PTPRD: variants seen among roughly 807,000 people sequenced by gnomAD.
PTPRD encodes the protein receptor-type tyrosine-protein phosphatase delta.
In PTPRD, 34 loss-of-function variants were observed where a neutral mutation model predicts 214.5. The ratio of observed to expected loss-of-function variants is 0.16; its 90% CI spans 0.12 to 0.21. The LOEUF (loss-of-function observed/expected upper bound fraction) is 0.21. Ranked by LOEUF, PTPRD falls within the 10% of genes least tolerant of loss-of-function variation. PTPRD has a pLI of 1.00. For synonymous variants in PTPRD, 1,128 were observed against 845.7 expected (o/e 1.33, Z -5.79); for missense variants, 2,545 against 2,398.7 (o/e 1.06, Z -1.27).
At chr9:8,810,604 A>G (rs1235072823) in intron 11 of PTPRD, among the ~76,000 whole-genome samples, 3 of 151,988 alleles carry the variant, frequency 2.0e-5, no homozygotes, top group Admixed American at 6.5e-5. Context: ...AAAGGAACAC[A>G]CTCTAACAGT....
At chr9:9,126,482 A>G (rs1408654835) in intron 10 of PTPRD, among the ~76,000 whole-genome samples, 1 of 152,258 alleles carries the variant, frequency 6.6e-6, no homozygotes, top group Non-Finnish European at 1.5e-5. Context: ...GTTAACTGAT[A>G]TAAACAAGAT....
intron 2 of PTPRD, among the ~76,000 whole-genome samples, chr9:10,549,164 T>C (rs1018198356): frequency 3.3e-5 from 5 of 152,192 alleles, no homozygotes; most frequent in Non-Finnish European, 5.9e-5. Context: ...CTGTGTAGCA[T>C]ATAAAAACTG....
intron 11 of PTPRD, among the ~76,000 whole-genome samples, chr9:8,987,820 T>C (rs1184884609): frequency 6.6e-6 from 1 of 152,048 alleles, no homozygotes; most frequent in Non-Finnish European, 1.5e-5. Flanking sequence ...ATATATTTAG[T>C]TGGAAATGTC....
intron 11 of PTPRD, among the ~76,000 whole-genome samples, chr9:8,996,273 C>T (rs1440391177): frequency 6.6e-6 from 1 of 152,004 alleles, no homozygotes; most frequent in East Asian, 1.9e-4. Context: ...ACCTGGAATG[C>T]TTTTCAGTTA....
chr9:8,702,390 G>A (rs961275273), intron 12 of PTPRD, among the ~76,000 whole-genome samples: 7 of 152,170 alleles, frequency 4.6e-5, no homozygotes, highest in African/African-American at 1.7e-4. Flanking sequence ...GATCAGCATA[G>A]TTGAGGTTCA....
At chr9:10,578,195 C>G (rs545792483) in intron 2 of PTPRD, among the ~76,000 whole-genome samples, 1 of 152,088 alleles carries the variant, frequency 6.6e-6, no homozygotes, top group Non-Finnish European at 1.5e-5. Context: ...CAGGCATGAG[C>G]CACCACACCC....
At chr9:9,105,352 T>C (rs2099797031) in intron 10 of PTPRD, among the ~76,000 whole-genome samples, 1 of 152,192 alleles carries the variant, frequency 6.6e-6, no homozygotes, top group Non-Finnish European at 1.5e-5. Flanking sequence ...TTCTCTCTTT[T>C]CTATGCAGAT....
chr9:9,198,720 G>C (rs2099940126), intron 9 of PTPRD, among the ~76,000 whole-genome samples: 1 of 152,170 alleles, frequency 6.6e-6, no homozygotes, highest in African/African-American at 2.4e-5. Flanking sequence ...GAAGTGGATA[G>C]ATGCCTTATG....
intron 2 of PTPRD, among the ~76,000 whole-genome samples, chr9:10,398,854 C>CT (rs2098221985): frequency 6.6e-6 from 1 of 151,890 alleles, no homozygotes; most frequent in Non-Finnish European, 1.5e-5. Context: ...AGTGAGAAAA[C>CT]TGAGGCATAA....
intron 11 of PTPRD, among the ~76,000 whole-genome samples, chr9:8,811,683 C>G (rs553689656): frequency 1.3e-3 from 194 of 152,092 alleles, no homozygotes; most frequent in Non-Finnish European, 2.1e-3. Flanking sequence ...TATATATTCT[C>G]AACATATGTG....
chr9:9,192,352 C>T (rs1017783526), intron 9 of PTPRD, among the ~76,000 whole-genome samples: 2 of 152,148 alleles, frequency 1.3e-5, no homozygotes, highest in East Asian at 1.9e-4. Flanking sequence ...TACAGTGAAG[C>T]ATGAGCCCCA....
chr9:9,048,155 A>G (rs1364719322), intron 10 of PTPRD, among the ~76,000 whole-genome samples: 1 of 152,142 alleles, frequency 6.6e-6, no homozygotes, highest in Non-Finnish European at 1.5e-5. Flanking sequence ...GCAATAACAA[A>G]TACTGGTGAG....
At chr9:8,323,893 T>C (rs1049505050) in intron 44 of PTPRD, among the ~76,000 whole-genome samples, 1 of 152,142 alleles carries the variant, frequency 6.6e-6, no homozygotes, top group African/African-American at 2.4e-5. Flanking sequence ...TCAAACAACA[T>C]TGCATGGTGC....
intron 9 of PTPRD, among the ~76,000 whole-genome samples, chr9:9,196,046 G>T (rs757301500): frequency 6.6e-6 from 1 of 152,118 alleles, no homozygotes; most frequent in African/African-American, 2.4e-5. Context: ...AAGATGGGGA[G>T]GCCAAGATTC....
At chr9:9,488,733 G>A (rs964347893) in intron 8 of PTPRD, among the ~76,000 whole-genome samples, 1 of 152,116 alleles carries the variant, frequency 6.6e-6, no homozygotes, top group Non-Finnish European at 1.5e-5. Flanking sequence ...GCAACTTCCA[G>A]GTAAAGGCTC....
At chr9:8,923,177 G>A (rs1182531940) in intron 11 of PTPRD, among the ~76,000 whole-genome samples, 1 of 151,612 alleles carries the variant, frequency 6.6e-6, no homozygotes, top group African/African-American at 2.4e-5. Context: ...AAGTAGCTGG[G>A]ATTACAGGCG....
chr9:10,143,631 A>G (rs1341663630), intron 3 of PTPRD, among the ~76,000 whole-genome samples: 1 of 152,152 alleles, frequency 6.6e-6, no homozygotes, highest in African/African-American at 2.4e-5. Flanking sequence ...CACCATTCAC[A>G]ATAGCAAAGA....
chr9:9,939,878 G>A lies in PTPRD; in HGVS notation c.-471-1268C>T, dbSNP rs187054660. ...GAGCAAATATCATTCTCTCCTTGTAGCCCTTTTTAATCTCAGATCATTCTG... is the reference window on the plus strand; with the variant it reads ...GAGCAAATATCATTCTCTCCTTGTAACCCTTTTTAATCTCAGATCATTCTG... On this transcript the variant is annotated intron_variant, in intron 4 of 45. Coordinates refer to ENST00000381196, the MANE Select transcript of PTPRD (RefSeq NM_002839.4). 2.4e-3 allele frequency among the ~76,000 whole-genome samples: 371 copies of A among 152,174 alleles called. 2 individuals are homozygous for A. Among genetic ancestry groups the A allele is most frequent in the Non-Finnish European group, 2.8e-3 (193 of 67,998 alleles).
intron 35 of PTPRD, among the ~76,000 whole-genome samples, chr9:8,429,960 T>C (rs886881910): frequency 6.6e-6 from 1 of 152,236 alleles, no homozygotes; most frequent in Non-Finnish European, 1.5e-5. Context: ...AGATGTCTGA[T>C]GACTGTTCAT....
Sources: allele counts gnomAD v4.1 joint callset (sites outside exome capture counted in the v4.1 genomes callset), GRCh38; gene constraint gnomAD v4.1.1; transcripts MANE v1.5; gene names NCBI Gene and HGNC (gene_info 2026-07-23, HGNC 2026-07-21).